ACVR1: variants seen among roughly 807,000 people sequenced by gnomAD.
The protein encoded by ACVR1 is activin A receptor type 1.
Under a neutral mutation model 57.1 loss-of-function variants are expected in ACVR1, and 38 were observed. That is an observed-to-expected ratio of 0.67 (90% CI 0.51 to 0.87). ACVR1 has a LOEUF of 0.87. ACVR1 is among the 40% of genes least tolerant of loss of function. ACVR1 has a pLI of 0.00. For missense variants in ACVR1, 463 were observed against 638.2 expected (o/e 0.73, Z 2.96); for synonymous variants, 212 against 228.1 (o/e 0.93, Z 0.63).
chr2:157,752,179 T>G (rs1242610013), intron 9 of ACVR1, among the ~76,000 whole-genome samples: 1 of 152,160 alleles, frequency 6.6e-6, no homozygotes, highest in Non-Finnish European at 1.5e-5. Context: ...TAGCCCTGTG[T>G]GGGTGGCTAG....
chr2:157,849,021 T>C lies in ACVR1; in HGVS notation c.-183+26775A>G, dbSNP rs569287262. On this transcript the variant is annotated intron_variant, in intron 1 of 10. Transcript: ENST00000434821. ...ATCTAGTAGCAAATCCCATTGGCTC[T>C]GTCTTCAAAGTATATCCTGATTCCA... is the stretch of plus-strand genomic sequence containing the variant. Among the ~76,000 whole-genome samples, 49 of 152,364 alleles carry C rather than the reference T, an allele frequency of 3.2e-4. No individual in the cohort carries two copies. In the South Asian group the frequency reaches 0.01, roughly 32 times the overall value.
intron 1 of ACVR1, among the ~76,000 whole-genome samples, chr2:157,852,498 CAAAAAAAAA>C (rs548451104): frequency 0.056 from 3,949 of 70,886 alleles, 67 homozygotes; most frequent in South Asian, 0.14. Flanking sequence ...GAGCCTGTCT[CAAAAAAAAA>C]AAAAAGAAAA....
rs113156681 is a variant in ACVR1, at chr2:157,764,363, CTTT to C, written c.1066+1555_1066+1557del. Among the ~76,000 whole-genome samples, 18 of 133,718 alleles carry C rather than the reference CTTT, an allele frequency of 1.3e-4. 1 individual carries two copies. Among genetic ancestry groups the C allele is most frequent in the Admixed American group, 9.8e-4 (13 of 13,232 alleles). The allele number at this position is 133,718 out of a possible 152,430, so 87.7% of individuals were successfully genotyped here. A position where few individuals can be genotyped will look rare whatever the true frequency, so the allele number is the denominator to read the frequency against. On this transcript the variant is annotated intron_variant, in intron 8 of 10. Transcript: ENST00000434821. ...ACGCCCGGCTATTATTATTATTTTT[CTTT>C]TTTTTTTTTTTTTGTATTTTTAGTA...
chr2:157,857,431 C>T lies in ACVR1; in HGVS notation c.-183+18365G>A, dbSNP rs1203173044. Among the ~76,000 whole-genome samples the T allele has an allele frequency of 2.6e-5, 4 of 152,030 alleles. No individual in the cohort carries two copies. The East Asian group carries it at 5.8e-4, about 22-fold the overall frequency. On this transcript the variant is annotated intron_variant, in intron 1 of 10. Coordinates refer to ENST00000434821, the MANE Select transcript of ACVR1 (RefSeq NM_001111067.4). ...AAAAAAGAAGAAGATACCCTTCCCCCGTCTTCCTCCACCATAAGGAAGAAA... is the reference window on the plus strand; with the variant it reads ...AAAAAAGAAGAAGATACCCTTCCCCTGTCTTCCTCCACCATAAGGAAGAAA...
At chr2:157,836,712 C>T (rs776171994) in intron 1 of ACVR1, among the ~76,000 whole-genome samples, 27 of 152,222 alleles carry the variant, frequency 1.8e-4, no homozygotes, top group Admixed American at 5.9e-4. Flanking sequence ...CAGTCCCTAC[C>T]GGGGTGCCTG....
rs1184751900 is a variant in ACVR1 at position 157,876,028 on chromosome 2, T to TG, written c.-416dup. ...CGTGGGGCCGGGAGCTTCCCGGCCC[T>TG]GGGGCCGGCGCGGCTGGCCGAGGAG... On this transcript the variant is annotated 5_prime_UTR_variant, in exon 1 of 11. Transcript: ENST00000434821. Among the ~76,000 whole-genome samples, 2 of 135,136 alleles carry TG rather than the reference T, an allele frequency of 1.5e-5. No individual in the cohort carries two copies. Among genetic ancestry groups the TG allele is most frequent in the Non-Finnish European group, 3.1e-5 (2 of 63,944 alleles). 88.7% of individuals were successfully genotyped at this position (135,136 alleles called of 152,430 possible).
At chr2:157,782,035 G>A (rs1250413852) in intron 3 of ACVR1, among the ~76,000 whole-genome samples, 1 of 152,168 alleles carries the variant, frequency 6.6e-6, no homozygotes, top group East Asian at 1.9e-4. Flanking sequence ...TAACAGGTTG[G>A]GTGGCTGTGC....
At chr2:157,798,901 A>G (rs1353910205) in intron 3 of ACVR1, among the ~76,000 whole-genome samples, 2 of 150,904 alleles carry the variant, frequency 1.3e-5, no homozygotes, top group Admixed American at 6.6e-5. Context: ...ATTTTTATTT[A>G]TTTATTTATT....
At chr2:157,858,959 C>T (rs968419717) in intron 1 of ACVR1, among the ~76,000 whole-genome samples, 1 of 152,190 alleles carries the variant, frequency 6.6e-6, no homozygotes, top group Non-Finnish European at 1.5e-5. Flanking sequence ...TCTACTTGGA[C>T]ATCCCAAGTC....
At chr2:157,778,391 CTTA>C in intron 4 of ACVR1, 49 bp from the exon 5 acceptor site, 1 of 1,465,008 alleles carries the variant, frequency 6.8e-7, no homozygotes, top group Middle Eastern at 1.7e-4. Flanking sequence ...TCACTGCTTA[CTTA>C]TTATTAGCAT....
intron 1 of ACVR1, among the ~76,000 whole-genome samples, chr2:157,859,332 C>A (rs1256403979): frequency 6.6e-6 from 1 of 152,164 alleles, no homozygotes; most frequent in Admixed American, 6.5e-5. Context: ...AGGAAGTTAT[C>A]CTATATGGTC....
intron 1 of ACVR1, chr2:157,826,780 GGAAAGGAAAGGGAAAGGGAAAA>G (rs1688390235): frequency 1.4e-5 from 1 of 70,582 alleles, no homozygotes; most frequent in African/African-American, 7.7e-5. Context: ...GGAAAGGAAA[GGAAAGGAAAGGGAAAGGGAAAA>G]GGAAAAGGAA....
At chr2:157,769,348 C>T (rs1373146534) in intron 7 of ACVR1, among the ~76,000 whole-genome samples, 1 of 152,074 alleles carries the variant, frequency 6.6e-6, no homozygotes, top group Non-Finnish European at 1.5e-5. Flanking sequence ...AAGACAACTC[C>T]AAGTGGAGAG....
chr2:157,855,642 G>C (rs1210766544), intron 1 of ACVR1, among the ~76,000 whole-genome samples: 1 of 152,024 alleles, frequency 6.6e-6, no homozygotes, highest in East Asian at 1.9e-4. Context: ...TATACAAAGA[G>C]TCAGCAACAC....
At chr2:157,773,895 T>C (rs1376746752) in intron 6 of ACVR1, among the ~76,000 whole-genome samples, 193 bp downstream of exon 6, 7 of 152,208 alleles carry the variant, frequency 4.6e-5, no homozygotes, top group African/African-American at 1.4e-4. Context: ...TCATTAGTGA[T>C]GGACTCCTTT....
chr2:157,837,923 T>C (rs1383034203), intron 1 of ACVR1, among the ~76,000 whole-genome samples: 2 of 152,226 alleles, frequency 1.3e-5, no homozygotes, highest in South Asian at 2.1e-4. Flanking sequence ...CTCCTGCAGT[T>C]GGCACGAAGC....
intron 9 of ACVR1, among the ~76,000 whole-genome samples, chr2:157,749,954 C>A (rs893678744): frequency 2.6e-5 from 4 of 152,324 alleles, no homozygotes; most frequent in East Asian, 3.9e-4. Context: ...CATCTGGGTG[C>A]CTAGGGATTG....
chr2:157,828,345 G>A (rs923505044), intron 1 of ACVR1, among the ~76,000 whole-genome samples: 1 of 151,392 alleles, frequency 6.6e-6, no homozygotes, highest in Non-Finnish European at 1.5e-5. Flanking sequence ...AGCTACTCGG[G>A]AGACTGAGGC....
At chr2:157,774,861 A>G (rs534683018) in intron 5 of ACVR1, among the ~76,000 whole-genome samples, 13 of 151,770 alleles carry the variant, frequency 8.6e-5, no homozygotes, top group Admixed American at 2.0e-4. Flanking sequence ...GGAAAGCAGT[A>G]GAGAGAATAG....
Sources: gnomAD v4.1 joint callset for allele counts (sites outside exome capture counted in the v4.1 genomes callset) on GRCh38, gnomAD v4.1.1 for gene constraint, MANE v1.5 for transcripts, NCBI Gene and HGNC (gene_info 2026-07-23, HGNC 2026-07-21) for gene names.